The following COL21A1 variants were observed in gnomAD, a reference collection of about 807,000 sequenced individuals.
The protein encoded by COL21A1 is collagen alpha-1(XXI) chain.
Under a neutral mutation model 137.9 loss-of-function variants are expected in COL21A1, and 149 were observed. The observed-to-expected ratio is 1.08, with a 90% CI of 0.95 to 1.24. The LOEUF (loss-of-function observed/expected upper bound fraction) is 1.24. Among genes scored for constraint, COL21A1 ranks in the 50% most tolerant of loss-of-function variants. COL21A1 has a pLI of 0.00. For missense variants in COL21A1, 1,167 were observed against 1,158.4 expected (o/e 1.01, Z -0.11); for synonymous variants, 456 against 391.5 (o/e 1.16, Z -1.95).
chr6:56,135,755 C>T (rs1037200444), intron 12 of COL21A1, among the ~76,000 whole-genome samples: 4 of 152,178 alleles, frequency 2.6e-5, no homozygotes, highest in Admixed American at 1.3e-4. Context: ...GTCCCTACAT[C>T]GTATAGCTAT....
At chr6:56,206,468 C>G (rs537040583) in intron 1 of COL21A1, among the ~76,000 whole-genome samples, 1 of 151,966 alleles carries the variant, frequency 6.6e-6, no homozygotes, top group Admixed American at 6.6e-5. Flanking sequence ...GCAACTAATA[C>G]AGGAGCACCC....
intron 1 of COL21A1, among the ~76,000 whole-genome samples, chr6:56,229,013 G>T (rs1781380880): frequency 6.6e-6 from 1 of 151,890 alleles, no homozygotes; most frequent in South Asian, 2.1e-4. Context: ...GTCAAAAATT[G>T]TTACTTCCAG....
At chr6:56,281,345 T>G (rs1763781658) in intron 1 of COL21A1, among the ~76,000 whole-genome samples, 2 of 152,158 alleles carry the variant, frequency 1.3e-5, no homozygotes, top group Admixed American at 1.3e-4. Flanking sequence ...AAGTCATAAA[T>G]AGTAAAAACT....
At chr6:56,133,834 G>A (rs1367217816) in intron 12 of COL21A1, among the ~76,000 whole-genome samples, 3 of 152,228 alleles carry the variant, frequency 2.0e-5, no homozygotes, top group Non-Finnish European at 4.4e-5. Context: ...CTTCCATGTG[G>A]TGTTGACACT....
chr6:56,161,472 A>G (rs1776196142), intron 9 of COL21A1, among the ~76,000 whole-genome samples: 1 of 152,044 alleles, frequency 6.6e-6, no homozygotes, highest in Admixed American at 6.6e-5. Flanking sequence ...ATATAGGTTA[A>G]ATGGGGGGAG....
At chr6:56,087,661 A>C (rs1041368689) in intron 17 of COL21A1, among the ~76,000 whole-genome samples, 7 of 152,204 alleles carry the variant, frequency 4.6e-5, no homozygotes, top group African/African-American at 1.7e-4. Context: ...ACAGCTCTAA[A>C]GATAAGGGAA....
chr6:56,340,121 G>C (rs1346251793), intron 1 of COL21A1, among the ~76,000 whole-genome samples: 1 of 152,120 alleles, frequency 6.6e-6, no homozygotes, highest in Admixed American at 6.5e-5. Context: ...TTTTTCTTTA[G>C]AGATACATTG....
intron 1 of COL21A1, among the ~76,000 whole-genome samples, chr6:56,291,821 G>A (rs764934712): frequency 3.3e-5 from 5 of 152,110 alleles, no homozygotes; most frequent in South Asian, 2.1e-4. Flanking sequence ...ATCACAATTC[G>A]TTCCCTAATG....
chr6:56,078,861 A>G (rs1767480316), intron 17 of COL21A1, among the ~76,000 whole-genome samples: 1 of 151,410 alleles, frequency 6.6e-6, no homozygotes, highest in South Asian at 2.1e-4. Flanking sequence ...ACAGGCCTTT[A>G]TAAACGTAAG....
intron 1 of COL21A1, among the ~76,000 whole-genome samples, chr6:56,214,965 T>A (rs993192172): frequency 2.9e-4 from 44 of 152,084 alleles, no homozygotes; most frequent in African/African-American, 9.7e-4. Flanking sequence ...CAACTTTAAA[T>A]TAAAACGTCC....
intron 29 of COL21A1, among the ~76,000 whole-genome samples, chr6:56,058,213 A>T (rs1160562360): frequency 2.0e-5 from 3 of 152,166 alleles, no homozygotes; most frequent in African/African-American, 7.2e-5. Context: ...ATACCTACGT[A>T]AGCCAAAGCT....
chr6:56,265,042 T>C (rs746297199), intron 1 of COL21A1, among the ~76,000 whole-genome samples: 12 of 152,216 alleles, frequency 7.9e-5, no homozygotes, highest in Non-Finnish European at 1.5e-4. Context: ...CATTTCACAG[T>C]AGATGCCTGC....
chr6:56,210,723 C>T (rs1296616996), intron 1 of COL21A1, among the ~76,000 whole-genome samples: 2 of 152,158 alleles, frequency 1.3e-5, no homozygotes, highest in African/African-American at 4.8e-5. Flanking sequence ...CTTGAATCTA[C>T]TCAAGTCTCT....
At chr6:56,343,659 G>A (rs976616803) in intron 1 of COL21A1, among the ~76,000 whole-genome samples, 3 of 152,136 alleles carry the variant, frequency 2.0e-5, no homozygotes, top group Non-Finnish European at 4.4e-5. Context: ...ATTGATTGTA[G>A]GCCAGGCACA....
intron 3 of COL21A1, among the ~76,000 whole-genome samples, chr6:56,172,833 T>A (rs1582553924): frequency 6.6e-6 from 1 of 152,172 alleles, no homozygotes; most frequent in East Asian, 1.9e-4. Context: ...TCATACCAAC[T>A]TAAAATAAGT....
intron 1 of COL21A1, among the ~76,000 whole-genome samples, chr6:56,285,945 T>C (rs77526660): frequency 0.14 from 21,481 of 152,106 alleles, 3,642 homozygotes; most frequent in African/African-American, 0.41. Context: ...TAATGCTGAT[T>C]TTATTTACTT....
intron 12 of COL21A1, 60 bp from the exon 13 acceptor site, chr6:56,126,209 C>T (rs1773042029): frequency 1.8e-6 from 2 of 1,086,364 alleles, no homozygotes; most frequent in East Asian, 5.3e-5. Context: ...ACAATATCAT[C>T]ATCTATTCTT....
rs866410127 is a variant in COL21A1 at position 56,098,648 on chromosome 6, A to T, written c.1812+2824T>A. On this transcript the variant is annotated intron_variant, in intron 17 of 29. Coordinates refer to ENST00000244728, the MANE Select transcript of COL21A1 (RefSeq NM_030820.4). ...ATAAATATATATATAAATATATATAAATATATAAATATATATAAATATATA... is the reference window on the plus strand; with the variant it reads ...ATAAATATATATATAAATATATATATATATATAAATATATATAAATATATA... 8.2e-3 allele frequency among the ~76,000 whole-genome samples: 93 copies of T among 11,380 alleles called. 10 individuals carry two copies. Among genetic ancestry groups the T allele is most frequent in the African/African-American group, 0.02 (40 of 2,050 alleles). The allele number at this position is 11,380 out of a possible 152,430, so 7.5% of individuals were successfully genotyped here. A position where few individuals can be genotyped will look rare whatever the true frequency, so the allele number is the denominator to read the frequency against.
chr6:56,124,925 A>G (rs2764049), intron 14 of COL21A1, among the ~76,000 whole-genome samples: 2,496 of 149,122 alleles, frequency 0.017, 43 homozygotes, highest in African/African-American at 0.049. Context: ...GATTACAGGC[A>G]TGAGCCACCG....
Sources: gnomAD v4.1 joint callset for allele counts (sites outside exome capture counted in the v4.1 genomes callset) on GRCh38, gnomAD v4.1.1 for gene constraint, MANE v1.5 for transcripts, NCBI Gene and HGNC (gene_info 2026-07-23, HGNC 2026-07-21) for gene names.